The following HCRTR2 variants were observed in gnomAD, a reference collection of about 807,000 sequenced individuals.
HCRTR2 encodes hypocretin receptor 2.
In HCRTR2, 22 loss-of-function variants were observed where a neutral mutation model predicts 49.0. The observed-to-expected ratio is 0.45, with a 90% CI of 0.32 to 0.64. The LOEUF (loss-of-function observed/expected upper bound fraction) is 0.64, where lower values mean the gene tolerates loss of function less well. Ranked by LOEUF, HCRTR2 falls within the 30% of genes least tolerant of loss-of-function variation. The pLI, the probability that HCRTR2 is intolerant of heterozygous loss-of-function variation, is 0.04. For synonymous variants in HCRTR2, 236 were observed against 205.3 expected (o/e 1.15, Z -1.28); for missense variants, 491 against 559.4 (o/e 0.88, Z 1.23).
chr6:55,261,968 C>T (rs111376564), intron 3 of HCRTR2, among the ~76,000 whole-genome samples: 4 of 152,054 alleles, frequency 2.6e-5, no homozygotes, highest in African/African-American at 9.7e-5. Flanking sequence ...GAAATAATGG[C>T]ATTCCCAGCA....
At chr6:55,174,328 C>T, upstream of HCRTR2, 1 of 518,082 alleles carries the variant, frequency 1.9e-6, no homozygotes, top group South Asian at 2.0e-5. Context: ...GTCATTGCTG[C>T]AGCCTCCAGT....
At chr6:55,233,546 C>T (rs894093460) in intron 1 of HCRTR2, among the ~76,000 whole-genome samples, 9 of 152,208 alleles carry the variant, frequency 5.9e-5, no homozygotes, top group Admixed American at 4.6e-4. Flanking sequence ...AATAAAATAA[C>T]ACTAGCCAGG....
chr6:55,113,899 G>A (rs1764083326), intron 1 of HCRTR2, among the ~76,000 whole-genome samples: 1 of 151,874 alleles, frequency 6.6e-6, no homozygotes, highest in East Asian at 1.9e-4. Flanking sequence ...CAGCCCAAAT[G>A]CCCATGAACC....
intron 1 of HCRTR2, among the ~76,000 whole-genome samples, chr6:55,224,540 G>A (rs888582938): frequency 2.6e-5 from 4 of 151,892 alleles, no homozygotes; most frequent in African/African-American, 4.8e-5. Flanking sequence ...GGAGAATGGC[G>A]TGAACCCGGG....
intron 4 of HCRTR2, among the ~76,000 whole-genome samples, chr6:55,267,881 G>A (rs1455031546): frequency 1.3e-5 from 2 of 151,844 alleles, no homozygotes; most frequent in East Asian, 1.9e-4. Flanking sequence ...GCAGTAACTC[G>A]AGTCCATACA....
intron 1 of HCRTR2, among the ~76,000 whole-genome samples, chr6:55,189,240 C>T (rs963602258): frequency 6.6e-6 from 1 of 151,896 alleles, no homozygotes; most frequent in Admixed American, 6.6e-5. Flanking sequence ...ATCAGAGTTT[C>T]CTAAAGGGAG....
At chr6:55,160,329 G>A (rs13219003) in intron 1 of HCRTR2, among the ~76,000 whole-genome samples, 26,406 of 152,082 alleles carry the variant, frequency 0.17, 2,597 homozygotes, top group Non-Finnish European at 0.23. Flanking sequence ...AAGAGCTCCC[G>A]AAGGAAGCAC....
At position 55,277,429 on chromosome 6, in the gene HCRTR2, C is replaced by G. The variant is rs781381349; in HGVS notation, c.812C>G (p.Pro271Arg). The G allele has an allele frequency of 6.2e-7, 1 of 1,614,134 alleles. No homozygotes were observed. The highest frequency in any genetic ancestry group is 8.5e-7 in the Non-Finnish European group (1 of 1,180,012). ...CAGAGAAAATGGAAGCCCCTGCAGC[C>G]TGTTTCACAGCCTCGAGGGCCAGGA... ...VVQRKWKPLQ[P>R]VSQPRGPGQP... Residue 271 changes from proline to arginine, a missense_variant, in exon 5 of 7, where the codon CCT (proline) becomes CGT (arginine). Coordinates refer to ENST00000370862, the MANE Select transcript of HCRTR2 (RefSeq NM_001384272.1).
At chr6:55,223,427 A>T (rs1177440968) in intron 1 of HCRTR2, among the ~76,000 whole-genome samples, 1 of 152,196 alleles carries the variant, frequency 6.6e-6, no homozygotes, top group Non-Finnish European at 1.5e-5. Context: ...CTTTTAAAAC[A>T]TCCTGAAGTA....
At chr6:55,282,166 A>G (rs982424187) in intron 6 of HCRTR2, 59 bp from the exon 7 acceptor site, 4 of 1,247,500 alleles carry the variant, frequency 3.2e-6, no homozygotes, top group Non-Finnish European at 4.6e-6. Context: ...TACCCTATTC[A>G]TAATTTGTTG....
intron 1 of HCRTR2, among the ~76,000 whole-genome samples, chr6:55,206,391 C>T (rs1385469979): frequency 2.0e-5 from 3 of 151,952 alleles, no homozygotes; most frequent in South Asian, 2.1e-4. Flanking sequence ...GAAATTTCTT[C>T]GTCTCCTTAG....
At chr6:55,274,239 G>GTATATA (rs61667408) in intron 4 of HCRTR2, among the ~76,000 whole-genome samples, 16 of 119,510 alleles carry the variant, frequency 1.3e-4, no homozygotes, top group African/African-American at 4.9e-4. Flanking sequence ...ATCATTTTCA[G>GTATATA]TATATATATA....
chr6:55,226,521 G>A (rs147207965), intron 1 of HCRTR2, among the ~76,000 whole-genome samples: 6 of 151,590 alleles, frequency 4.0e-5, no homozygotes, highest in Non-Finnish European at 5.9e-5. Context: ...GTTGGCCAGG[G>A]TGGTCTCGAG....
upstream of HCRTR2, among the ~76,000 whole-genome samples, chr6:55,169,945 A>T (rs577018455): frequency 4.2e-4 from 64 of 152,206 alleles, no homozygotes; most frequent in Middle Eastern, 6.8e-3. Context: ...ATGCATATAG[A>T]AAGTTACACC....
intron 2 of HCRTR2, among the ~76,000 whole-genome samples, chr6:55,253,006 C>G (rs765308811): frequency 6.6e-6 from 1 of 151,962 alleles, no homozygotes. Flanking sequence ...CCACATTTTA[C>G]AGATGAGAAA....
intron 1 of HCRTR2, among the ~76,000 whole-genome samples, chr6:55,241,349 T>A (rs1766328911): frequency 6.6e-6 from 1 of 152,146 alleles, no homozygotes; most frequent in Non-Finnish European, 1.5e-5. Context: ...TTACAATGAA[T>A]TTAATGCTTA....
chr6:55,238,347 G>A (rs936602060), intron 1 of HCRTR2, among the ~76,000 whole-genome samples: 1 of 151,990 alleles, frequency 6.6e-6, no homozygotes, highest in African/African-American at 2.4e-5. Flanking sequence ...TTACCAACTT[G>A]CTTTCTTGGA....
At chr6:55,224,253 C>T (rs1479335064) in intron 1 of HCRTR2, among the ~76,000 whole-genome samples, 2 of 152,128 alleles carry the variant, frequency 1.3e-5, no homozygotes, top group Non-Finnish European at 2.9e-5. Context: ...AGAGATGTTT[C>T]GTATTCATTG....
chr6:55,184,779 T>A (rs1230029574), intron 1 of HCRTR2, among the ~76,000 whole-genome samples: 2 of 152,216 alleles, frequency 1.3e-5, no homozygotes, highest in East Asian at 3.9e-4. Context: ...TTTTGTAGAT[T>A]CTTAGCTTTT....
Sources: allele counts gnomAD v4.1 joint callset (sites outside exome capture counted in the v4.1 genomes callset), GRCh38; gene constraint gnomAD v4.1.1; transcripts MANE v1.5; gene names NCBI Gene and HGNC (gene_info 2026-07-23, HGNC 2026-07-21).